Variants in PIP5K1B observed in about 807,000 individuals in gnomAD.
PIP5K1B encodes the protein phosphatidylinositol-4-phosphate 5-kinase type 1 beta, also known as phosphatidylinositol 4-phosphate 5-kinase type-1 beta.
PIP5K1B carries 42 observed loss-of-function variants against 67.0 expected under a neutral mutation model. The ratio of observed to expected loss-of-function variants is 0.63; its 90% confidence interval spans 0.49 to 0.81. The LOEUF (loss-of-function observed/expected upper bound fraction) is 0.81, where lower values mean the gene tolerates loss of function less well. Among genes scored for constraint, PIP5K1B ranks in the 30% least tolerant of loss-of-function variants. PIP5K1B has a pLI of 0.00. For synonymous variants in PIP5K1B, 214 were observed against 231.4 expected (o/e 0.92, Z 0.68); for missense variants, 459 against 646.3 (o/e 0.71, Z 3.14).
intron 8 of PIP5K1B, among the ~76,000 whole-genome samples, chr9:68,902,668 T>G (rs1825422407): frequency 6.6e-6 from 1 of 152,274 alleles, no homozygotes; most frequent in Admixed American, 6.5e-5. Context: ...GCGTGTTGAA[T>G]TTTTTAAGAA....
intron 12 of PIP5K1B, among the ~76,000 whole-genome samples, chr9:68,933,283 A>AT (rs1554740781): frequency 1.3e-5 from 2 of 149,672 alleles, no homozygotes; most frequent in Non-Finnish European, 1.5e-5. Flanking sequence ...GAACTTAAAG[A>AT]AAAATAAAAT....
chr9:68,723,512 G>T (rs906609675), intron 1 of PIP5K1B, among the ~76,000 whole-genome samples: 7 of 151,174 alleles, frequency 4.6e-5, no homozygotes, highest in Non-Finnish European at 7.4e-5. Flanking sequence ...GTTACTTTTT[G>T]ATTTTTTTTG....
chr9:68,807,572 T>C (rs75523200), intron 2 of PIP5K1B, among the ~76,000 whole-genome samples: 29,179 of 152,134 alleles, frequency 0.19, 2,843 homozygotes, highest in East Asian at 0.24. Flanking sequence ...AGGGGATCTG[T>C]GTGGCTTTGG....
intron 12 of PIP5K1B, among the ~76,000 whole-genome samples, chr9:68,925,267 A>G (rs1233016273): frequency 2.0e-5 from 3 of 152,166 alleles, no homozygotes; most frequent in East Asian, 3.8e-4. Flanking sequence ...TTTCTTTAGA[A>G]TGGATTCCAA....
chr9:68,751,586 C>T (rs11143607), intron 2 of PIP5K1B, among the ~76,000 whole-genome samples: 50,637 of 152,002 alleles, frequency 0.33, 8,742 homozygotes, highest in East Asian at 0.6. Context: ...TGGATGACTC[C>T]AGAGATTGAC....
chr9:68,766,903 GGA>G (rs1830453522), intron 2 of PIP5K1B, among the ~76,000 whole-genome samples: 1 of 152,182 alleles, frequency 6.6e-6, no homozygotes, highest in Admixed American at 6.5e-5. Flanking sequence ...AGTGGTCCCA[GGA>G]GAGAGTCAGT....
At chr9:68,846,565 C>G (rs1259421520) in intron 4 of PIP5K1B, among the ~76,000 whole-genome samples, 2 of 152,166 alleles carry the variant, frequency 1.3e-5, no homozygotes, top group African/African-American at 4.8e-5. Flanking sequence ...TGGTAAACAG[C>G]AAGTCACAGC....
chr9:68,801,557 A>G (rs2131983236), intron 2 of PIP5K1B, among the ~76,000 whole-genome samples: 1 of 152,340 alleles, frequency 6.6e-6, no homozygotes, highest in East Asian at 1.9e-4. Flanking sequence ...TCGTACTTTC[A>G]AAACCACAGG....
intron 2 of PIP5K1B, among the ~76,000 whole-genome samples, chr9:68,772,749 T>C (rs1010915702): frequency 2.0e-5 from 3 of 152,134 alleles, no homozygotes; most frequent in Admixed American, 6.6e-5. Flanking sequence ...TATAATACTA[T>C]TTAGCCTTAG....
intron 4 of PIP5K1B, among the ~76,000 whole-genome samples, chr9:68,862,341 C>A (rs1823131801): frequency 6.6e-6 from 1 of 152,124 alleles, no homozygotes; most frequent in Non-Finnish European, 1.5e-5. Flanking sequence ...AATCTGCGAG[C>A]CATCTGAATA....
At chr9:68,942,277 G>C (rs1827598675) in intron 14 of PIP5K1B, among the ~76,000 whole-genome samples, 1 of 152,156 alleles carries the variant, frequency 6.6e-6, no homozygotes, top group African/African-American at 2.4e-5. Flanking sequence ...TCAAAAGATA[G>C]CTGGAAGGTT....
chr9:68,961,665 G>C (rs1323264568), intron 14 of PIP5K1B, among the ~76,000 whole-genome samples: 1 of 152,156 alleles, frequency 6.6e-6, no homozygotes, highest in East Asian at 1.9e-4. Flanking sequence ...GGATGATAAA[G>C]GCTGGCTGTC....
At chr9:68,721,410 T>C (rs1827876141) in intron 1 of PIP5K1B, among the ~76,000 whole-genome samples, 2 of 152,000 alleles carry the variant, frequency 1.3e-5, no homozygotes, top group Non-Finnish European at 2.9e-5. Context: ...GATATGAGTT[T>C]TGGGGAATGG....
chr9:68,713,584 G>A (rs983986180), intron 1 of PIP5K1B, among the ~76,000 whole-genome samples: 2 of 152,168 alleles, frequency 1.3e-5, no homozygotes, highest in Non-Finnish European at 2.9e-5. Flanking sequence ...AGTGCTATCT[G>A]CCTGCTCCTT....
chr9:68,936,124 A>T (rs1827255086), intron 13 of PIP5K1B: 1 of 152,184 alleles, frequency 6.6e-6, no homozygotes, highest in African/African-American at 2.4e-5. Flanking sequence ...TTTTTTAAGA[A>T]TTGAGTTTTC....
rs1019372309 is a variant in PIP5K1B, at chr9:68,762,777, A to G, written c.-86+20120A>G. ...ATTTATTGTGATCTCTGTTTCAGCC[A>G]CTTAGTCACTTAGAAACGTTTATGA... On this transcript the variant is annotated intron_variant, in intron 2 of 15. Transcript: ENST00000265382. Among the ~76,000 whole-genome samples the G allele has an allele frequency of 2.0e-5, 3 of 152,100 alleles. No homozygotes were observed. The East Asian group carries it at 5.8e-4, about 29-fold the overall frequency.
At chr9:68,854,462 T>A (rs1341514725) in intron 4 of PIP5K1B, among the ~76,000 whole-genome samples, 1 of 152,004 alleles carries the variant, frequency 6.6e-6, no homozygotes, top group Non-Finnish European at 1.5e-5. Flanking sequence ...ACCAGAAGGG[T>A]CATAGACCTG....
intron 2 of PIP5K1B, among the ~76,000 whole-genome samples, chr9:68,810,805 A>G (rs1437238287): frequency 1.7e-4 from 26 of 151,066 alleles, no homozygotes; most frequent in Non-Finnish European, 3.7e-4. Context: ...CTGATGTAGA[A>G]CAAGTTTTAT....
At chr9:68,747,530 T>C (rs1403883034) in intron 2 of PIP5K1B, among the ~76,000 whole-genome samples, 1 of 152,108 alleles carries the variant, frequency 6.6e-6, no homozygotes, top group Non-Finnish European at 1.5e-5. Flanking sequence ...TATTATCTCA[T>C]CTGGCTCTGT....
Sources: gnomAD v4.1 joint callset for allele counts (sites outside exome capture counted in the v4.1 genomes callset) on GRCh38, gnomAD v4.1.1 for gene constraint, MANE v1.5 for transcripts, NCBI Gene and HGNC (gene_info 2026-07-23, HGNC 2026-07-21) for gene names.